Variants in CARS1 observed in about 807,000 individuals in gnomAD.
CARS1 encodes cysteine--tRNA ligase, cytoplasmic.
CARS1 carries 48 observed loss-of-function variants against 106.2 expected under a neutral mutation model. The ratio of observed to expected loss-of-function variants is 0.45; its 90% CI spans 0.36 to 0.57. CARS1 has a LOEUF of 0.57. Among genes scored for constraint, CARS1 ranks in the 20% least tolerant of loss-of-function variants. The probability of loss-of-function intolerance (pLI) is 0.00; values close to 1 mark genes in which losing one functional copy is unlikely to be tolerated. For synonymous variants in CARS1, 409 were observed against 403.4 expected (o/e 1.01, Z -0.17); for missense variants, 968 against 1,057.2 (o/e 0.92, Z 1.17).
Position 3,028,216 on chromosome 11 carries a change from A to C in CARS1, c.1031+780T>G. ...GTGGACACGTGACCCACGTGGCCTT[A>C]CCTATCATTGAAGATGGCTCACTCT... On this transcript the variant is annotated intron_variant, in intron 9 of 22. Coordinates refer to ENST00000380525, the MANE Select transcript of CARS1 (RefSeq NM_001014437.3). This position sits in a 1 kb window ranked among gnomAD's most constrained non-coding sequence, Gnocchi z 4.4. 1 of 369,080 alleles carries C rather than the reference A, an allele frequency of 2.7e-6. No individual in the cohort carries two copies. The highest frequency in any genetic ancestry group is 5.1e-6 in the Non-Finnish European group (1 of 195,866). The allele number at this position is 369,080 out of a possible 1,614,324, so 22.9% of individuals were successfully genotyped here.
At chr11:3,007,285 G>C (rs1849975465) in intron 18 of CARS1, 1 of 394,798 alleles carries the variant, frequency 2.5e-6, no homozygotes, top group Admixed American at 4.2e-5. Flanking sequence ...AGGGACACAA[G>C]TTGGGCCGAC....
intron 17 of CARS1, among the ~76,000 whole-genome samples, chr11:3,012,495 G>A (rs1266201047): frequency 6.6e-6 from 1 of 152,222 alleles, no homozygotes; most frequent in Non-Finnish European, 1.5e-5. Context: ...AGGCCAGAGA[G>A]CATGAAGTGA....
rs200226440 is a variant in CARS1 at position 3,029,292 on chromosome 11, G to T, written c.942+11C>A. 3.2e-4 allele frequency: 519 copies of T among 1,613,558 alleles called. 3 individuals are homozygous for T. The South Asian group carries it at 5.3e-3, about 17-fold the overall frequency. ...GCAAGAGAGCCAGCACAAGACAATC[G>T]TGACACTTACATTCAGAGCTTCCAT... On this transcript the variant is annotated intron_variant, in intron 8 of 22. Coordinates refer to ENST00000380525, the MANE Select transcript of CARS1 (RefSeq NM_001014437.3). The surrounding 1 kb of genome is among the most constrained non-coding windows in gnomAD (Gnocchi z 5.9).
At position 3,022,052 on chromosome 11, in the gene CARS1, A is replaced by G. The variant is rs115385180; in HGVS notation, c.1154-1720T>C. ...CAAACATCACACTGCAACTGCCCTC[A>G]TAGGGTTAATGAGAATTCCAAGGCA... On this transcript the variant is annotated intron_variant, in intron 10 of 22. Coordinates refer to ENST00000380525, the MANE Select transcript of CARS1 (RefSeq NM_001014437.3). This position sits in a 1 kb window ranked among gnomAD's most constrained non-coding sequence, Gnocchi z 4.9. 6.2e-3 allele frequency among the ~76,000 whole-genome samples: 938 copies of G among 152,300 alleles called. 11 individuals carry two copies. Among genetic ancestry groups the G allele is most frequent in the African/African-American group, 0.021 (863 of 41,552 alleles).
chr11:3,048,041 G>C lies in CARS1; in HGVS notation c.26-40C>G. On this transcript the variant is annotated intron_variant, in intron 1 of 22. Transcript: ENST00000380525. This position sits in a 1 kb window ranked among gnomAD's most constrained non-coding sequence, Gnocchi z 5.1. ...GGCACATGGTGTCAGGCAGGCAGGCGGGCAGCCCAGAGGCCGCCAGAAAGA... is the reference window on the plus strand; with the variant it reads ...GGCACATGGTGTCAGGCAGGCAGGCCGGCAGCCCAGAGGCCGCCAGAAAGA... The C allele has an allele frequency of 6.3e-7, 1 of 1,599,724 alleles. No homozygotes were observed.
rs141277745 is a variant in CARS1, at chr11:3,038,430, T to G, written c.652-231A>C. Among the ~76,000 whole-genome samples the G allele has an allele frequency of 2.5e-3, 384 of 152,200 alleles. 2 individuals are homozygous for G. The highest frequency in any genetic ancestry group is 8.6e-3 in the African/African-American group (356 of 41,510). On this transcript the variant is annotated intron_variant, in intron 6 of 22. Transcript: ENST00000380525. The surrounding 1 kb of genome is among the most constrained non-coding windows in gnomAD (Gnocchi z 4.0). ...GTGACCCTGGACAGGGCACCTAACC[T>G]CTCTGTGCCTCAGTTTCTCCAATGC...
intron 1 of CARS1, 98 bp downstream of exon 1, chr11:3,057,245 G>T: frequency 9.4e-7 from 1 of 1,058,512 alleles, no homozygotes; most frequent in Non-Finnish European, 1.4e-6. Context: ...ATGCACCCGG[G>T]CCCCTCAGAC....
Position 3,039,153 on chromosome 11 carries a change from G to T in CARS1, c.651+41C>A. ...GCCTACAAAGGACCGAGAACAGAAA[G>T]CAAAGGGCTCGGTTTCTAGAGCAGA... On this transcript the variant is annotated intron_variant, in intron 6 of 22. Transcript: ENST00000380525. The surrounding 1 kb of genome is among the most constrained non-coding windows in gnomAD (Gnocchi z 5.6). 1 of 1,294,966 alleles carries T rather than the reference G, an allele frequency of 7.7e-7. No homozygotes were observed. Among genetic ancestry groups the T allele is most frequent in the Non-Finnish European group, 1.1e-6 (1 of 891,480 alleles). The allele number at this position is 1,294,966 out of a possible 1,614,324, so 80.2% of individuals were successfully genotyped here.
At chr11:3,032,158 C>T (rs1051659600) in intron 7 of CARS1, among the ~76,000 whole-genome samples, 2 of 150,710 alleles carry the variant, frequency 1.3e-5, no homozygotes, top group Non-Finnish European at 3.0e-5. Context: ...CTGCAACCTC[C>T]GCCTCCCGGG....
At position 3,040,568 on chromosome 11, in the gene CARS1, G is replaced by A; in HGVS notation, c.455+328C>T. Reference sequence around the variant, plus strand: ...AGTGTCACGGGAACTCAGCATCTGGGGACCCCACGAGAGCTTGAGGGATGA... The same window carrying A: ...AGTGTCACGGGAACTCAGCATCTGGAGACCCCACGAGAGCTTGAGGGATGA... On this transcript the variant is annotated intron_variant, in intron 4 of 22. Transcript: ENST00000380525. This position sits in a 1 kb window ranked among gnomAD's most constrained non-coding sequence, Gnocchi z 5.8. The A allele has an allele frequency of 1.9e-6, 1 of 514,926 alleles. No homozygotes were observed. Among genetic ancestry groups the A allele is most frequent in the Non-Finnish European group, 3.8e-6 (1 of 265,962 alleles). The allele number at this position is 514,926 out of a possible 1,614,324, so 31.9% of individuals were successfully genotyped here. A position where few individuals can be genotyped will look rare whatever the true frequency, so the allele number is the denominator to read the frequency against.
At chr11:3,015,290 G>A (rs1022699630) in intron 17 of CARS1, among the ~76,000 whole-genome samples, 1 of 152,260 alleles carries the variant, frequency 6.6e-6, no homozygotes, top group Admixed American at 6.5e-5. Flanking sequence ...ACCGACCTGG[G>A]CTCAGGGTCA....
chr11:3,042,090 G>T, intron 3 of CARS1, 75 bp downstream of exon 3: 1 of 1,094,508 alleles, frequency 9.1e-7, no homozygotes, highest in South Asian at 1.3e-5. Context: ...TCTGTTGTGC[G>T]ACAAGGCACA....
intron 2 of CARS1, among the ~76,000 whole-genome samples, chr11:3,047,067 G>T (rs1855162407): frequency 6.6e-6 from 1 of 152,114 alleles, no homozygotes; most frequent in African/African-American, 2.4e-5. Flanking sequence ...CACGAGGTCG[G>T]GAGATCGAGA....
chr11:3,019,152 A>C lies in CARS1; in HGVS notation c.1382T>G (p.Leu461Arg). 1 of 1,524,024 alleles carries C rather than the reference A, an allele frequency of 6.6e-7. No homozygotes were observed. Among genetic ancestry groups the C allele is most frequent in the Non-Finnish European group, 8.8e-7 (1 of 1,139,484 alleles). The allele number at this position is 1,524,024 out of a possible 1,614,324, so 94.4% of individuals were successfully genotyped here. ...DLRFPHHDNE[L>R]AQSEAYFEND... ...GTTTTCACCTACCTCCGACTGTGCCAGCTCATTGTCATGGTGGGGGAACCG... is the reference window on the plus strand; with the variant it reads ...GTTTTCACCTACCTCCGACTGTGCCCGCTCATTGTCATGGTGGGGGAACCG... The change falls in exon 12 of 23, where the codon CTG becomes CGG. Residue 461 changes from leucine (L) to arginine (R), a missense_variant. Coordinates refer to ENST00000380525, the MANE Select transcript of CARS1 (RefSeq NM_001014437.3). The surrounding 1 kb of genome is among the most constrained non-coding windows in gnomAD (Gnocchi z 6.2).
intron 10 of CARS1, among the ~76,000 whole-genome samples, chr11:3,024,678 G>A (rs1337028465): frequency 6.6e-6 from 1 of 152,054 alleles, no homozygotes; most frequent in Non-Finnish European, 1.5e-5. Flanking sequence ...GAACTCCTGG[G>A]CTCAAGCGAT....
chr11:3,036,307 G>T (rs1853626122), intron 7 of CARS1, among the ~76,000 whole-genome samples: 1 of 152,152 alleles, frequency 6.6e-6, no homozygotes, highest in Non-Finnish European at 1.5e-5. Context: ...GGCAGTGTTG[G>T]GAACCCCCGA....
rs192290891 is a variant in CARS1, at chr11:3,023,297, C to A, written c.1154-2965G>T. ...CGGCATCTAAGTGTCAAATGCAGTG[C>A]GAGTTGTTCACGGCTTCCTCTAAGG... is the stretch of plus-strand genomic sequence containing the variant. On this transcript the variant is annotated intron_variant, in intron 10 of 22. Transcript: ENST00000380525. Among the ~76,000 whole-genome samples the A allele has an allele frequency of 2.6e-5, 4 of 152,140 alleles. No individual in the cohort carries two copies. In the South Asian group the frequency reaches 8.3e-4, roughly 32 times the overall value.
Position 3,045,668 on chromosome 11 carries a change from A to G in CARS1, c.274+2085T>C, listed in dbSNP as rs1855007754. The stretch of plus-strand genomic sequence containing the variant: ...CACACTGAGGGCCAGACACAGGCAC[A>G]TCTGATGCTGCTGGGATGTCCAACA... On this transcript the variant is annotated intron_variant, in intron 2 of 22. Transcript: ENST00000380525. This position sits in a 1 kb window ranked among gnomAD's most constrained non-coding sequence, Gnocchi z 5.6. 6.6e-6 allele frequency among the ~76,000 whole-genome samples: 1 copy of G among 152,154 alleles called. No homozygotes were observed.
chr11:3,029,095 C>A lies in CARS1; in HGVS notation c.943-11G>T, dbSNP rs922390102. On this transcript the variant is annotated splice_polypyrimidine_tract_variant and intron_variant, in intron 8 of 22. Coordinates refer to ENST00000380525, the MANE Select transcript of CARS1 (RefSeq NM_001014437.3). The surrounding 1 kb of genome is among the most constrained non-coding windows in gnomAD (Gnocchi z 5.9). The stretch of plus-strand genomic sequence containing the variant: ...ATCTGGAGGGAGAACCTGTGCAAGA[C>A]ATGAGAATGTCCTGGGATTTTCCCT... 5 of 1,595,772 alleles carry A rather than the reference C, an allele frequency of 3.1e-6. No individual in the cohort carries two copies. The highest frequency in any genetic ancestry group is 3.3e-5 in the Admixed American group (2 of 59,962).
Sources: allele counts gnomAD v4.1 joint callset (sites outside exome capture counted in the v4.1 genomes callset), GRCh38; gene constraint gnomAD v4.1.1; non-coding constraint Gnocchi (gnomAD v3.1); transcripts MANE v1.5; gene names NCBI Gene and HGNC (gene_info 2026-07-23, HGNC 2026-07-21).